CCDC15: variants seen among roughly 807,000 people sequenced by gnomAD.
The protein encoded by CCDC15 is coiled-coil domain containing 15.
In CCDC15, 105 loss-of-function variants were observed where a neutral mutation model predicts 114.5. The observed-to-expected ratio is 0.92, with a 90% CI of 0.78 to 1.08. The LOEUF is 1.08. CCDC15 is among the 50% of genes least tolerant of loss of function. The pLI, the probability that CCDC15 is intolerant of heterozygous loss-of-function variation, is 0.00. For missense variants in CCDC15, 1,105 were observed against 1,093.6 expected (o/e 1.01, Z -0.15); for synonymous variants, 334 against 377.8 (o/e 0.88, Z 1.34).
chr11:125,036,803 A>G (rs927722351), intron 13 of CCDC15, among the ~76,000 whole-genome samples: 6 of 152,020 alleles, frequency 3.9e-5, no homozygotes, highest in Admixed American at 2.0e-4. Context: ...TTAACTCCAG[A>G]ATTTCTACTT....
chr11:124,975,066 T>C (rs746715537), intron 4 of CCDC15, 30 bp from the exon 5 acceptor site: 1 of 1,405,302 alleles, frequency 7.1e-7, no homozygotes, highest in Admixed American at 2.2e-5. Flanking sequence ...ATCCTGCTTT[T>C]GTTTGCTTTC....
At chr11:124,966,177 TTCAAGTCCTGTATATCCTTGTTAAC>T (rs1947777040) in intron 4 of CCDC15, among the ~76,000 whole-genome samples, 1 of 152,206 alleles carries the variant, frequency 6.6e-6, no homozygotes. Flanking sequence ...CAGAGCTGAG[TTCAAGTCCTGTATATCCTTGTTAAC>T]CTTCTCTCTC....
intron 14 of CCDC15, 114 bp downstream of exon 14, chr11:125,038,718 T>G: frequency 1.6e-6 from 2 of 1,227,238 alleles, no homozygotes; most frequent in South Asian, 1.7e-5. Context: ...TTTTCCTCAT[T>G]TAGGAGTTCA....
At chr11:124,974,790 G>A (rs902768686) in intron 4 of CCDC15, among the ~76,000 whole-genome samples, 4 of 152,174 alleles carry the variant, frequency 2.6e-5, no homozygotes, top group African/African-American at 7.2e-5. Context: ...ATCTCCAAGT[G>A]TATTAATTCA....
intron 6 of CCDC15, among the ~76,000 whole-genome samples, chr11:124,981,229 G>A (rs1337097553): frequency 6.6e-6 from 1 of 152,210 alleles, no homozygotes; most frequent in East Asian, 1.9e-4. Flanking sequence ...ATGTGCAGAT[G>A]AGAAGAATGT....
At chr11:124,966,471 T>TG (rs1591572798) in intron 4 of CCDC15, among the ~76,000 whole-genome samples, 1 of 143,172 alleles carries the variant, frequency 7.0e-6, no homozygotes, top group Admixed American at 6.8e-5. Flanking sequence ...TGCTTTTTTT[T>TG]TTTGTTTGTT....
rs951853497 is a variant in CCDC15 at position 124,995,365 on chromosome 11, T to C, written c.2214+2122T>C. 5.5e-4 allele frequency among the ~76,000 whole-genome samples: 83 copies of C among 151,906 alleles called. 1 individual carries two copies. Among genetic ancestry groups the C allele is most frequent in the African/African-American group, 1.9e-3 (78 of 41,256 alleles). On this transcript the variant is annotated intron_variant, in intron 11 of 15. Transcript: ENST00000344762. ...AAAACAATTTGTAGTTAATTATTAATTTGCTTGTTTTCTTATTGTCTGGAG... is the reference window on the plus strand; with the variant it reads ...AAAACAATTTGTAGTTAATTATTAACTTGCTTGTTTTCTTATTGTCTGGAG...
At chr11:124,981,644 G>C (rs1227390700) in intron 6 of CCDC15, among the ~76,000 whole-genome samples, 1 of 151,902 alleles carries the variant, frequency 6.6e-6, no homozygotes, top group Non-Finnish European at 1.5e-5. Flanking sequence ...CAGTCTTGTG[G>C]GGTCTCACTC....
At chr11:125,038,816 G>C in intron 14 of CCDC15, 105 bp from the exon 15 acceptor site, 1 of 1,349,912 alleles carries the variant, frequency 7.4e-7, no homozygotes, top group South Asian at 1.4e-5. Context: ...TCAAGGCCCA[G>C]AGATACGGAA....
intron 11 of CCDC15, among the ~76,000 whole-genome samples, chr11:124,993,745 A>C (rs78571498): frequency 0.014 from 2,157 of 152,276 alleles, 22 homozygotes; most frequent in Middle Eastern, 0.031. Flanking sequence ...GGCTTGTCAT[A>C]GTTTCGTTAC....
chr11:125,040,767 GAGA>G lies in CCDC15; in HGVS notation c.*57_*59del, dbSNP rs1948810360. ...GGCTTTTACTTAAAATCATCCCTGA[GAGA>G]GTATTTAAGAAAAGCTGTTCAAGTT... is the stretch of plus-strand genomic sequence containing the variant. On this transcript the variant is annotated 3_prime_UTR_variant, in exon 16 of 16. Transcript: ENST00000344762. The G allele has an allele frequency of 6.8e-7, 1 of 1,480,510 alleles. No homozygotes were observed. The highest frequency in any genetic ancestry group is 1.4e-5 in the African/African-American group (1 of 71,594). The allele number at this position is 1,480,510 out of a possible 1,614,324, so 91.7% of individuals were successfully genotyped here.
At chr11:124,997,188 T>A (rs151207655) in intron 11 of CCDC15, among the ~76,000 whole-genome samples, 1 of 152,318 alleles carries the variant, frequency 6.6e-6, no homozygotes, top group East Asian at 1.9e-4. Context: ...GGGGTGCTGC[T>A]ACAACAAATA....
At chr11:125,022,969 T>C (rs892783959) in intron 13 of CCDC15, among the ~76,000 whole-genome samples, 1 of 151,946 alleles carries the variant, frequency 6.6e-6, no homozygotes, top group Non-Finnish European at 1.5e-5. Context: ...TTTAAATAGG[T>C]ATACTTGATA....
At chr11:124,960,318 C>T (rs1190415980) in intron 4 of CCDC15, among the ~76,000 whole-genome samples, 2 of 21,740 alleles carry the variant, frequency 9.2e-5, no homozygotes, top group Non-Finnish European at 1.9e-4. Flanking sequence ...AGCGAGACTC[C>T]GTCTCAAAAA....
At chr11:124,990,998 C>G (rs1392035119) in intron 8 of CCDC15, among the ~76,000 whole-genome samples, 2 of 152,190 alleles carry the variant, frequency 1.3e-5, no homozygotes, top group African/African-American at 4.8e-5. Context: ...CAATTATATT[C>G]TGATCTTGGT....
chr11:124,991,162 A>C (rs1038225823), intron 8 of CCDC15, among the ~76,000 whole-genome samples: 5 of 152,216 alleles, frequency 3.3e-5, no homozygotes, highest in Admixed American at 6.5e-5. Context: ...CTTCCTCTGG[A>C]TGTCCATCAG....
At chr11:124,973,716 A>G (rs1439145528) in intron 4 of CCDC15, among the ~76,000 whole-genome samples, 1 of 151,558 alleles carries the variant, frequency 6.6e-6, no homozygotes, top group Non-Finnish European at 1.5e-5. Flanking sequence ...CTTGAACTCC[A>G]GGCTCAAGCA....
Position 124,959,992 on chromosome 11 carries a change from C to A in CCDC15, c.505C>A (p.Gln169Lys), listed in dbSNP as rs1400422066. ...EENQNELFQQ[Q>K]AQALSETMKQ... ...GAATCAGAACGAATTATTCCAACAA[C>A]AAGCCCAGGCTGTAAGTACCTGTTC... The change falls in exon 4 of 16, where the codon CAA becomes AAA. Residue 169 changes from glutamine (Q) to lysine (K), a missense_variant. By Grantham distance (53) the Gln-to-Lys change is moderately conservative (BLOSUM62 1). Transcript: ENST00000344762. 3 of 1,562,716 alleles carry A rather than the reference C, an allele frequency of 1.9e-6. No homozygotes were observed. Among genetic ancestry groups the A allele is most frequent in the East Asian group, 4.7e-5 (2 of 42,952 alleles).
chr11:125,025,199 C>CAT (rs922412817), intron 13 of CCDC15, among the ~76,000 whole-genome samples: 32 of 144,808 alleles, frequency 2.2e-4, no homozygotes, highest in South Asian at 8.7e-4. Context: ...TATATTCTTT[C>CAT]ATATATATAT....
Sources: gnomAD v4.1 joint callset for allele counts (sites outside exome capture counted in the v4.1 genomes callset) on GRCh38, gnomAD v4.1.1 for gene constraint, MANE v1.5 for transcripts, NCBI Gene and HGNC (gene_info 2026-07-23, HGNC 2026-07-21) for gene names.